The following ZFAT variants were observed in gnomAD, a reference collection of about 807,000 sequenced individuals.
ZFAT encodes the protein zinc finger protein ZFAT.
A neutral mutation model predicts 117.7 loss-of-function variants in ZFAT; 64 were observed. That is an observed-to-expected ratio of 0.54 (90% CI 0.44 to 0.67). The LOEUF (loss-of-function observed/expected upper bound fraction) is 0.67. Ranked by LOEUF, ZFAT falls within the 30% of genes least tolerant of loss-of-function variation. The probability of loss-of-function intolerance (pLI) is 0.00; values close to 1 mark genes in which losing one functional copy is unlikely to be tolerated. For synonymous variants in ZFAT, 679 were observed against 615.0 expected (o/e 1.10, Z -1.54); for missense variants, 1,433 against 1,584.5 (o/e 0.90, Z 1.62).
At chr8:134,751,987 A>C in the ZFAT span, among the ~76,000 whole-genome samples, 4 of 152,218 alleles carry the variant, frequency 2.6e-5, no homozygotes. Context: ...GAATTCTTGA[A>C]CTAGCTGGAG....
At position 134,692,331 on chromosome 8, in the gene ZFAT, A is replaced by G. The variant is rs566271825; in HGVS notation, c.19+20514T>C. 3.9e-5 allele frequency among the ~76,000 whole-genome samples: 6 copies of G among 152,332 alleles called. No homozygotes were observed. The East Asian group carries it at 1.2e-3, about 29-fold the overall frequency. On this transcript the variant is annotated intron_variant, in intron 1 of 15. Transcript: ENST00000377838. ...TCAGAATGGTGATTTGAAGGAAGAG[A>G]AACCAGAACCAAGACAAAGCACTGG... is the stretch of plus-strand genomic sequence containing the variant.
At chr8:134,504,245 G>C (rs904988093) in intron 15 of ZFAT, among the ~76,000 whole-genome samples, 4 of 152,092 alleles carry the variant, frequency 2.6e-5, no homozygotes, top group African/African-American at 9.7e-5. Context: ...CTCAGAGGCT[G>C]ACACCCCACA....
the ZFAT span, among the ~76,000 whole-genome samples, chr8:134,739,287 ATGTGTGTGTGTGTGTG>A: frequency 4.7e-4 from 71 of 150,500 alleles, no homozygotes; most frequent in African/African-American, 1.6e-3. Flanking sequence ...GTGTGTAGAG[ATGTGTGTGTGTGTGTG>A]TGTGTGTGTG....
At chr8:134,496,984 C>A (rs1248712927) in intron 15 of ZFAT, among the ~76,000 whole-genome samples, 1 of 152,236 alleles carries the variant, frequency 6.6e-6, no homozygotes, top group African/African-American at 2.4e-5. Flanking sequence ...CATGCAGGGA[C>A]CCCCGCCCCC....
the ZFAT span, among the ~76,000 whole-genome samples, chr8:134,747,347 C>G: frequency 6.6e-6 from 1 of 152,178 alleles, no homozygotes; most frequent in Non-Finnish European, 1.5e-5. Flanking sequence ...ACCTCAGCCT[C>G]CCAAAGTGCT....
intron 7 of ZFAT, among the ~76,000 whole-genome samples, chr8:134,592,955 C>T (rs1304639887): frequency 2.0e-5 from 3 of 152,228 alleles, no homozygotes; most frequent in Non-Finnish European, 2.9e-5. Flanking sequence ...GATCCAGGCA[C>T]CACTTAAGAA....
At chr8:134,785,669 T>C in the ZFAT span, 28 of 152,298 alleles carry the variant, frequency 1.8e-4, no homozygotes, top group African/African-American at 6.3e-4. Context: ...TATCTGTTTC[T>C]GTACCATAGA....
chr8:134,732,309 A>G, the ZFAT span, among the ~76,000 whole-genome samples: 2 of 152,214 alleles, frequency 1.3e-5, no homozygotes, highest in South Asian at 2.1e-4. Context: ...TGAAGCAAGC[A>G]TAGTGGGATG....
At chr8:134,547,709 A>G (rs1288873607) in intron 11 of ZFAT, among the ~76,000 whole-genome samples, 2 of 152,240 alleles carry the variant, frequency 1.3e-5, no homozygotes, top group Non-Finnish European at 2.9e-5. Flanking sequence ...TCAACATAAG[A>G]AAACAATACA....
intron 12 of ZFAT, among the ~76,000 whole-genome samples, chr8:134,525,524 C>T (rs1820965102): frequency 6.6e-6 from 1 of 152,218 alleles, no homozygotes; most frequent in South Asian, 2.1e-4. Context: ...ATGTGGCCCA[C>T]ATTTAGTCAT....
intron 2 of ZFAT, among the ~76,000 whole-genome samples, chr8:134,641,134 T>C (rs546516277): frequency 6.6e-6 from 1 of 152,270 alleles, no homozygotes; most frequent in African/African-American, 2.4e-5. Flanking sequence ...TCCCTCACTC[T>C]AGAACCTTCC....
chr8:134,583,394 T>C (rs1825846585), intron 10 of ZFAT, among the ~76,000 whole-genome samples: 1 of 152,216 alleles, frequency 6.6e-6, no homozygotes, highest in South Asian at 2.1e-4. Flanking sequence ...GGTTTTACTT[T>C]AGACTTGGTT....
intron 8 of ZFAT, among the ~76,000 whole-genome samples, chr8:134,589,749 T>C (rs1375107185): frequency 6.6e-6 from 1 of 152,098 alleles, no homozygotes; most frequent in African/African-American, 2.4e-5. Context: ...TGAACAGGAA[T>C]TAACCAGGTA....
intron 1 of ZFAT, among the ~76,000 whole-genome samples, chr8:134,683,657 G>C (rs900753585): frequency 3.9e-5 from 6 of 152,140 alleles, no homozygotes; most frequent in Admixed American, 3.9e-4. Context: ...AGGCAGGGCA[G>C]GCACACTGAG....
chr8:134,630,197 A>G (rs1310210684), intron 3 of ZFAT, among the ~76,000 whole-genome samples: 1 of 152,246 alleles, frequency 6.6e-6, no homozygotes, highest in East Asian at 1.9e-4. Context: ...CACACTCACA[A>G]GTACGCCCAA....
In ZFAT at chr8:134,539,986, G is replaced by A. The variant is rs188209749; in HGVS notation, c.2977-7014C>T. Among the ~76,000 whole-genome samples the A allele has an allele frequency of 1.7e-3, 263 of 152,294 alleles. 1 individual carries two copies. The highest frequency in any genetic ancestry group is 2.7e-3 in the Non-Finnish European group (182 of 68,024). The stretch of plus-strand genomic sequence containing the variant: ...AGCAAACCTTCCCTGCCTACCTGAC[G>A]GAGATTAGATGGGGCACCAAAAACA... On this transcript the variant is annotated intron_variant, in intron 11 of 15. Coordinates refer to ENST00000377838, the MANE Select transcript of ZFAT (RefSeq NM_020863.4).
At chr8:134,608,632 G>T in intron 5 of ZFAT, 97 bp downstream of exon 5, 1 of 1,440,932 alleles carries the variant, frequency 6.9e-7, no homozygotes, top group Non-Finnish European at 9.4e-7. Context: ...TTTATAAGCA[G>T]AATCCAAACG....
At chr8:134,812,692 T>A in the ZFAT span, among the ~76,000 whole-genome samples, 1 of 152,142 alleles carries the variant, frequency 6.6e-6, no homozygotes, top group Non-Finnish European at 1.5e-5. Flanking sequence ...GCCAAGATTA[T>A]GCCACTGTAC....
intron 1 of ZFAT, among the ~76,000 whole-genome samples, chr8:134,695,516 C>T (rs1833784283): frequency 6.6e-6 from 1 of 151,322 alleles, no homozygotes; most frequent in South Asian, 2.1e-4. Context: ...GGCACCGCCC[C>T]CACCCCCAGG....
Sources: allele counts gnomAD v4.1 joint callset (sites outside exome capture counted in the v4.1 genomes callset), GRCh38; gene constraint gnomAD v4.1.1; transcripts MANE v1.5; gene names NCBI Gene and HGNC (gene_info 2026-07-23, HGNC 2026-07-21).